Variants in RASA2 observed in about 807,000 individuals in gnomAD.
RASA2 encodes the protein RAS p21 protein activator 2.
Under a neutral mutation model 118.2 loss-of-function variants are expected in RASA2, and 155 were observed. The ratio of observed to expected loss-of-function variants is 1.31; its 90% CI spans 1.15 to 1.50. The LOEUF is 1.50. RASA2 is among the 40% of genes most tolerant of loss of function. RASA2 has a pLI of 0.00. For missense variants in RASA2, 1,016 were observed against 1,009.6 expected (o/e 1.01, Z -0.09); for synonymous variants, 353 against 349.1 (o/e 1.01, Z -0.12).
chr3:141,581,216 C>T (rs764573309), intron 17 of RASA2, 39 bp downstream of exon 17: 1 of 1,295,718 alleles, frequency 7.7e-7, no homozygotes, highest in Admixed American at 3.5e-5. Flanking sequence ...ATATTTATTT[C>T]ATATAACATG....
In RASA2 at chr3:141,585,802, C is replaced by CATAA. The variant is rs60749303; in HGVS notation, c.1753-202_1753-199dup. On this transcript the variant is annotated intron_variant, in intron 17 of 23. Coordinates refer to ENST00000286364, the MANE Select transcript of RASA2 (RefSeq NM_006506.5). Reference sequence around the variant, plus strand: ...GCAACAGAGTGAGCCTCTGTCTCCACATAAATAAATAAATAAATAAATAAT... The same window carrying CATAA: ...GCAACAGAGTGAGCCTCTGTCTCCACATAAATAAATAAATAAATAAATAAATAAT... Among the ~76,000 whole-genome samples, 2,364 of 151,828 alleles carry CATAA rather than the reference C, an allele frequency of 0.016. 67 individuals are homozygous for CATAA. Among genetic ancestry groups the CATAA allele is most frequent in the African/African-American group, 0.052 (2,161 of 41,364 alleles).
intron 1 of RASA2, among the ~76,000 whole-genome samples, chr3:141,492,410 CA>C (rs1424455487): frequency 6.6e-6 from 1 of 152,132 alleles, no homozygotes; most frequent in African/African-American, 2.4e-5. Flanking sequence ...TGTATTAAGA[CA>C]TTTTTATGGC....
rs2083700770 is a variant in RASA2, at chr3:141,614,648, C to G, written c.*2335C>G. 6.6e-6 allele frequency: 1 copy of G among 152,144 alleles called. No homozygotes were observed. The highest frequency in any genetic ancestry group is 1.5e-5 in the Non-Finnish European group (1 of 68,022). 9.4% of individuals were successfully genotyped at this position (152,144 alleles called of 1,614,324 possible). On this transcript the variant is annotated 3_prime_UTR_variant, in exon 24 of 24. Coordinates refer to ENST00000286364, the MANE Select transcript of RASA2 (RefSeq NM_006506.5). ...TGCCGGTTCTGGTTCTTAGTTTAGC[C>G]ATTTCCATCAGTTGAAATTGTGGTG...
At chr3:141,539,457 A>C (rs149474251) in intron 4 of RASA2, among the ~76,000 whole-genome samples, 1 of 152,236 alleles carries the variant, frequency 6.6e-6, no homozygotes, top group East Asian at 1.9e-4. Flanking sequence ...CCTCAGATTC[A>C]TTCTTGTATA....
chr3:141,594,090 C>G (rs894231980), intron 19 of RASA2, among the ~76,000 whole-genome samples: 3 of 152,060 alleles, frequency 2.0e-5, no homozygotes, highest in Admixed American at 6.6e-5. Context: ...AATGGGGAAT[C>G]TCAGCCAAAA....
intron 5 of RASA2, among the ~76,000 whole-genome samples, chr3:141,549,288 A>G (rs1316602938): frequency 6.6e-6 from 1 of 151,618 alleles, no homozygotes; most frequent in Non-Finnish European, 1.5e-5. Flanking sequence ...TGTCAGCTTT[A>G]CCTTCTCTCC....
chr3:141,565,782 C>G (rs2082810912), intron 9 of RASA2, among the ~76,000 whole-genome samples: 1 of 152,188 alleles, frequency 6.6e-6, no homozygotes, highest in Non-Finnish European at 1.5e-5. Context: ...ATACACTTCC[C>G]TTAGAGGTAC....
intron 17 of RASA2, among the ~76,000 whole-genome samples, chr3:141,584,330 CAAAAAAAAAAAAA>C (rs56396460): frequency 0.026 from 1,608 of 60,814 alleles, 57 homozygotes; most frequent in African/African-American, 0.085. Context: ...AACTCCATCC[CAAAAAAAAAAAAA>C]AAAAAAAAAA....
intron 19 of RASA2, among the ~76,000 whole-genome samples, chr3:141,594,363 A>AT (rs1440700926): frequency 4.0e-5 from 6 of 148,290 alleles, no homozygotes; most frequent in East Asian, 2.0e-4. Context: ...CAAAAAAAAA[A>AT]ATTTTTTTTT....
At position 141,549,484 on chromosome 3, in the gene RASA2, C is replaced by CGTGTGCGTGT. The variant is rs112947735; in HGVS notation, c.528-4368_528-4367insCGTGTGTGTG. On this transcript the variant is annotated intron_variant, in intron 5 of 23. Transcript: ENST00000286364. ...AGGAGTGTGTATGAGTGTGTGTGTG[C>CGTGTGCGTGT]GTGTGTGTGTGTGTGTGTGTGTGTG... Among the ~76,000 whole-genome samples, 172 of 145,300 alleles carry CGTGTGCGTGT rather than the reference C, an allele frequency of 1.2e-3. 4 individuals carry two copies. In the East Asian group the frequency reaches 0.021, roughly 18 times the overall value.
chr3:141,549,084 C>G (rs2082531748), intron 5 of RASA2, among the ~76,000 whole-genome samples: 1 of 152,146 alleles, frequency 6.6e-6, no homozygotes, highest in African/African-American at 2.4e-5. Flanking sequence ...TTCTCTACCA[C>G]CACAGCCTGG....
At chr3:141,550,774 G>C (rs556445882) in intron 5 of RASA2, among the ~76,000 whole-genome samples, 1 of 152,136 alleles carries the variant, frequency 6.6e-6, no homozygotes, top group African/African-American at 2.4e-5. Flanking sequence ...GGAGAATGGC[G>C]TAAAACCGGG....
chr3:141,609,448 AT>A lies in RASA2; in HGVS notation c.2256del (p.Ile752MetfsTer48). On this transcript the variant is annotated frameshift_variant, in exon 22 of 24. Transcript: ENST00000286364. LOFTEE classifies it high-confidence loss of function. Reference protein sequence around the residue: ...AGVPADIQIDIDEDRETERIY... With the variant: ...AGVPADIQIDXDEDRETERIY... ...TGTCCCTGCAGACATCCAAATAGATATTGATGAAGACAGAGAAACAGAAAGA... is the reference window on the plus strand; with the variant it reads ...TGTCCCTGCAGACATCCAAATAGATATGATGAAGACAGAGAAACAGAAAGA... The A allele has an allele frequency of 6.2e-7, 1 of 1,601,162 alleles. No homozygotes were observed. The highest frequency in any genetic ancestry group is 8.5e-7 in the Non-Finnish European group (1 of 1,171,108).
In RASA2 at chr3:141,614,882, AAAAG is replaced by A. The variant is rs2083705279; in HGVS notation, c.*2570_*2573del. 6.6e-6 allele frequency: 1 copy of A among 152,230 alleles called. No individual in the cohort carries two copies. Among genetic ancestry groups the A allele is most frequent in the Admixed American group, 6.5e-5 (1 of 15,286 alleles). 9.4% of individuals were successfully genotyped at this position (152,230 alleles called of 1,614,324 possible). ...ACTAGGCTTTTTTTTATGAAACAAA[AAAAG>A]GTGACGAATAATATGGCTTTTGTTT... On this transcript the variant is annotated 3_prime_UTR_variant, in exon 24 of 24. Transcript: ENST00000286364.
intron 1 of RASA2, among the ~76,000 whole-genome samples, chr3:141,491,423 T>C (rs912274574): frequency 1.6e-4 from 24 of 152,322 alleles, no homozygotes; most frequent in African/African-American, 5.3e-4. Context: ...TGTTCACTTC[T>C]CCTGTTAGAT....
intron 9 of RASA2, among the ~76,000 whole-genome samples, 183 bp downstream of exon 9, chr3:141,560,178 C>G (rs1354316939): frequency 1.3e-5 from 2 of 152,044 alleles, no homozygotes; most frequent in East Asian, 3.8e-4. Flanking sequence ...TATGACTTGA[C>G]CTGTGGTACT....
intron 20 of RASA2, 135 bp from the exon 21 acceptor site, chr3:141,608,354 A>G (rs1220439293): frequency 1.2e-5 from 10 of 803,560 alleles, no homozygotes; most frequent in African/African-American, 3.5e-5. Context: ...TTGAAACATA[A>G]TAATTTCTAA....
chr3:141,530,861 A>G (rs1232843033), intron 4 of RASA2, among the ~76,000 whole-genome samples: 1 of 152,148 alleles, frequency 6.6e-6, no homozygotes, highest in African/African-American at 2.4e-5. Context: ...ATTGTAAATG[A>G]TCCATGTGAG....
chr3:141,534,946 C>T (rs184581900), intron 4 of RASA2, among the ~76,000 whole-genome samples: 176 of 152,156 alleles, frequency 1.2e-3, no homozygotes, highest in African/African-American at 3.9e-3. Flanking sequence ...GTAATTTCTA[C>T]GTATTAAAAC....
Sources: gnomAD v4.1 joint callset for allele counts (sites outside exome capture counted in the v4.1 genomes callset) on GRCh38, gnomAD v4.1.1 for gene constraint, MANE v1.5 for transcripts, NCBI Gene and HGNC (gene_info 2026-07-23, HGNC 2026-07-21) for gene names.